The following ATP7B variants were observed in gnomAD, a reference collection of about 807,000 sequenced individuals.
ATP7B encodes the protein ATPase copper transporting beta, also known as copper-transporting ATPase 2.
Under a neutral mutation model 118.9 loss-of-function variants are expected in ATP7B, and 113 were observed. The observed-to-expected ratio is 0.95, with a 90% CI of 0.82 to 1.11. The LOEUF (loss-of-function observed/expected upper bound fraction) is 1.11. ATP7B is among the 50% of genes most tolerant of loss of function. The probability of loss-of-function intolerance (pLI) is 0.00; values close to 1 mark genes in which losing one functional copy is unlikely to be tolerated. For missense variants in ATP7B, 1,867 were observed against 1,871.4 expected (o/e 1.00, Z 0.04); for synonymous variants, 777 against 727.4 (o/e 1.07, Z -1.10).
intron 4 of ATP7B, 107 bp downstream of exon 4, chr13:51,968,337 A>T (rs951070980): frequency 6.5e-7 from 1 of 1,528,350 alleles, no homozygotes; most frequent in Non-Finnish European, 9.0e-7. Context: ...AACAACAACA[A>T]ACCAGACACG....
At chr13:51,952,374 G>C (rs1261235758) in intron 9 of ATP7B, among the ~76,000 whole-genome samples, 1 of 152,230 alleles carries the variant, frequency 6.6e-6, no homozygotes, top group East Asian at 1.9e-4. Flanking sequence ...AAGCAAGCAG[G>C]GCTCTGAGGT....
chr13:51,997,379 T>C (rs1266334557), intron 1 of ATP7B, among the ~76,000 whole-genome samples: 1 of 152,254 alleles, frequency 6.6e-6, no homozygotes, highest in African/African-American at 2.4e-5. Flanking sequence ...ATTATAAATA[T>C]AAATGCTTCT....
In ATP7B at chr13:51,998,203, A is replaced by T. The variant is rs115414015; in HGVS notation, c.51+13084T>A. On this transcript the variant is annotated intron_variant, in intron 1 of 20. Transcript: ENST00000242839. ...GGGTGCCAGCAGGTGGTCAGCCTGT[A>T]ACACTGCTGGAGGACAAGTCTTCTC... is the stretch of plus-strand genomic sequence containing the variant. 7.1e-3 allele frequency among the ~76,000 whole-genome samples: 1,079 copies of T among 152,250 alleles called. 12 individuals are homozygous for T. Among genetic ancestry groups the T allele is most frequent in the African/African-American group, 0.025 (1,032 of 41,556 alleles).
intron 9 of ATP7B, among the ~76,000 whole-genome samples, 188 bp from the exon 10 acceptor site, chr13:51,950,587 T>A (rs966976965): frequency 1.3e-5 from 2 of 152,208 alleles, no homozygotes; most frequent in African/African-American, 4.8e-5. Context: ...GCACTGGTGA[T>A]ACAGCTGTGA....
intron 2 of ATP7B, among the ~76,000 whole-genome samples, chr13:51,973,564 C>T (rs1018349697): frequency 8.5e-5 from 13 of 152,188 alleles, no homozygotes; most frequent in African/African-American, 3.1e-4. Context: ...CCATGTGATG[C>T]CCTGTGGCAC....
chr13:51,963,485 C>T (rs951212103), intron 5 of ATP7B, among the ~76,000 whole-genome samples: 9 of 152,006 alleles, frequency 5.9e-5, no homozygotes, highest in African/African-American at 1.9e-4. Context: ...CCTGTAATCC[C>T]ACCACTTTGG....
chr13:51,939,317 C>G, intron 16 of ATP7B, 124 bp from the exon 17 acceptor site: 1 of 1,446,376 alleles, frequency 6.9e-7, no homozygotes. Flanking sequence ...AATTATATAA[C>G]ACAATGTGGT....
chr13:52,000,036 C>A (rs1210159885), intron 1 of ATP7B, among the ~76,000 whole-genome samples: 1 of 152,154 alleles, frequency 6.6e-6, no homozygotes, highest in African/African-American at 2.4e-5. Flanking sequence ...TTCACCAGAG[C>A]CTCCAAGTCC....
At chr13:51,956,031 C>T (rs1227578118) in intron 9 of ATP7B, among the ~76,000 whole-genome samples, 1 of 152,224 alleles carries the variant, frequency 6.6e-6, no homozygotes, top group Non-Finnish European at 1.5e-5. Flanking sequence ...GACAGTGCTG[C>T]CTCACGGAAC....
chr13:51,984,388 A>G (rs970022352), intron 1 of ATP7B, among the ~76,000 whole-genome samples: 1 of 152,192 alleles, frequency 6.6e-6, no homozygotes, highest in East Asian at 1.9e-4. Flanking sequence ...AGGAACAAAC[A>G]AAGCCTCCAA....
intron 13 of ATP7B, among the ~76,000 whole-genome samples, chr13:51,945,225 G>C (rs918708396): frequency 6.6e-6 from 1 of 152,160 alleles, no homozygotes; most frequent in Non-Finnish European, 1.5e-5. Context: ...GTGGCTTCTA[G>C]GCTAACGTTC....
chr13:51,949,559 T>C (rs1000031518), intron 12 of ATP7B, 103 bp downstream of exon 12: 1 of 1,513,824 alleles, frequency 6.6e-7, no homozygotes, highest in African/African-American at 1.4e-5. Context: ...TAAAATGTAA[T>C]GAATAATTAA....
At chr13:51,997,299 T>C (rs1212317460) in intron 1 of ATP7B, among the ~76,000 whole-genome samples, 1 of 152,234 alleles carries the variant, frequency 6.6e-6, no homozygotes, top group Admixed American at 6.5e-5. Flanking sequence ...ATAAGTGACA[T>C]CTATTTTTCC....
chr13:52,001,727 T>G (rs1359645195), intron 1 of ATP7B, among the ~76,000 whole-genome samples: 1 of 152,182 alleles, frequency 6.6e-6, no homozygotes, highest in Non-Finnish European at 1.5e-5. Context: ...AATACATCTT[T>G]TACTTACTCT....
At chr13:51,975,357 T>A (rs1172527062) in intron 1 of ATP7B, 189 bp from the exon 2 acceptor site, 2 of 817,104 alleles carry the variant, frequency 2.4e-6, no homozygotes, top group Non-Finnish European at 4.2e-6. Context: ...GCTCTGACAT[T>A]CTTCTCTGAC....
intron 8 of ATP7B, 79 bp from the exon 9 acceptor site, chr13:51,957,686 G>A (rs1315332628): frequency 8.6e-6 from 12 of 1,403,176 alleles, no homozygotes; most frequent in African/African-American, 1.4e-5. Flanking sequence ...CACAAGCGTG[G>A]TGTTAGAGAC....
At chr13:51,935,783 C>A (rs1004404433) in intron 19 of ATP7B, 88 bp from the exon 20 acceptor site, 7 of 1,213,830 alleles carry the variant, frequency 5.8e-6, no homozygotes, top group Non-Finnish European at 8.1e-6. Context: ...CCACCCTCAG[C>A]GGCCCCCAGT....
rs1263774209 is a variant in ATP7B at position 51,946,407 on chromosome 13, C to T, written c.2937G>A (p.Leu979=). The T allele has an allele frequency of 6.2e-7, 1 of 1,614,144 alleles. No individual in the cohort carries two copies. Among genetic ancestry groups the T allele is most frequent in the Non-Finnish European group, 8.5e-7 (1 of 1,180,046 alleles). Reference sequence around the variant, plus strand: ...CCAGGGAGCAGGGGCAGGCAATGCACAGCACCGTGATGGACGTCTGGAAAG... The same window carrying T: ...CCAGGGAGCAGGGGCAGGCAATGCATAGCACCGTGATGGACGTCTGGAAAG... ...RFAFQTSITV[L]CIACPCSLGL... is the part of the protein sequence containing the mutation. Residue 979 remains leucine (L), a synonymous_variant, in exon 13 of 21, where the codon CTG becomes CTA. Transcript: ENST00000242839.
At chr13:52,002,762 G>A (rs954452268) in intron 1 of ATP7B, among the ~76,000 whole-genome samples, 10 of 152,036 alleles carry the variant, frequency 6.6e-5, no homozygotes, top group East Asian at 3.9e-4. Flanking sequence ...TCCTAATAAC[G>A]TGAGTGACAC....
Sources: gnomAD v4.1 joint callset for allele counts (sites outside exome capture counted in the v4.1 genomes callset) on GRCh38, gnomAD v4.1.1 for gene constraint, MANE v1.5 for transcripts, NCBI Gene and HGNC (gene_info 2026-07-23, HGNC 2026-07-21) for gene names.